ALK: variants seen among roughly 807,000 people sequenced by gnomAD.
ALK encodes ALK receptor tyrosine kinase.
Under a neutral mutation model 163.1 loss-of-function variants are expected in ALK, and 74 were observed. The observed-to-expected ratio is 0.45, with a 90% confidence interval of 0.38 to 0.55. The LOEUF is 0.55. ALK is among the 20% of genes least tolerant of loss of function. ALK has a pLI of 0.00. For missense variants in ALK, 2,063 were observed against 2,105.3 expected, an observed-to-expected ratio of 0.98 and a Z score of 0.39; for synonymous variants, 960 against 843.2, an observed-to-expected ratio of 1.14 and a Z score of -2.40.
At chr2:29,581,874 C>T (rs1356234529) in intron 3 of ALK, among the ~76,000 whole-genome samples, 1 of 152,174 alleles carries the variant, frequency 6.6e-6, no homozygotes, top group Non-Finnish European at 1.5e-5. Flanking sequence ...GTTTCCTTAC[C>T]TCTTAGGCAG....
At chr2:29,698,382 C>A (rs997782153) in intron 2 of ALK, among the ~76,000 whole-genome samples, 1 of 152,124 alleles carries the variant, frequency 6.6e-6, no homozygotes, top group African/African-American at 2.4e-5. Flanking sequence ...TAGGGAGGGT[C>A]AAAAAGACAC....
Position 29,214,089 on chromosome 2 carries a change from G to GA in ALK, c.3646-9dup. On this transcript the variant is annotated splice_polypyrimidine_tract_variant and intron_variant, in intron 23 of 28. Transcript: ENST00000389048. ...CAGGGAGGAGGGCTGGCTCTGTGGG[G>GA]AGACAGAAGCGGGCCACTGACGAGG... The GA allele has an allele frequency of 6.2e-7, 1 of 1,613,306 alleles. No individual in the cohort carries two copies. Among genetic ancestry groups the GA allele is most frequent in the Non-Finnish European group, 8.5e-7 (1 of 1,179,318 alleles).
Position 29,223,470 on chromosome 2 carries a change from C to T in ALK, c.3231G>A (p.Glu1077=), listed in dbSNP as rs2148171039. The change falls in exon 20 of 29, where the codon GAG becomes GAA. Residue 1077 remains glutamate (E), a synonymous_variant. Transcript: ENST00000389048. ...AGGTGCGGAGCTTGCTCAGCTTGTA[C>T]TCAGGGCTCTGCAGCTCCATCTGCA... ...QAMQMELQSP[E]YKLSKLRTST... The T allele has an allele frequency of 6.2e-7, 1 of 1,614,142 alleles. No homozygotes were observed. Among genetic ancestry groups the T allele is most frequent in the Non-Finnish European group, 8.5e-7 (1 of 1,180,036 alleles).
At chr2:29,549,056 G>C (rs551001970) in intron 3 of ALK, among the ~76,000 whole-genome samples, 342 of 151,182 alleles carry the variant, frequency 2.3e-3, no homozygotes, top group Non-Finnish European at 3.8e-3. Context: ...AGACCAGCAG[G>C]AGGAAGAAGC....
At chr2:29,465,081 A>G (rs181420040) in intron 4 of ALK, among the ~76,000 whole-genome samples, 14 of 152,340 alleles carry the variant, frequency 9.2e-5, no homozygotes, top group Non-Finnish European at 1.8e-4. Flanking sequence ...GATGCTTAAC[A>G]AACCCCAATC....
Position 29,193,445 on chromosome 2 carries a change from C to T in ALK, c.4642G>A (p.Gly1548Arg), listed in dbSNP as rs1215807713. ...SCTVPPNVAT[G>R]RLPGASLLLE... ...AGCAGTGAGGCCCCCGGAAGTCTCCCAGTTGCAACGTTAGGTGGGACAGTA... is the reference window on the plus strand; with the variant it reads ...AGCAGTGAGGCCCCCGGAAGTCTCCTAGTTGCAACGTTAGGTGGGACAGTA... The change falls in exon 29 of 29, where the codon GGG becomes AGG. Residue 1548 changes from glycine (G) to arginine (R), a missense_variant. By Grantham distance (125) the Gly-to-Arg change is moderately radical (BLOSUM62 -2). Coordinates refer to ENST00000389048, the MANE Select transcript of ALK (RefSeq NM_004304.5). The T allele has an allele frequency of 3.1e-6, 5 of 1,614,212 alleles. No individual in the cohort carries two copies. Among genetic ancestry groups the T allele is most frequent in the South Asian group, 1.1e-5 (1 of 91,080 alleles).
chr2:29,668,400 ACT>A (rs1051356782), intron 3 of ALK, among the ~76,000 whole-genome samples: 4 of 149,412 alleles, frequency 2.7e-5, no homozygotes, highest in African/African-American at 9.9e-5. Context: ...ATTGCTATAA[ACT>A]CCCTGTTAGC....
At chr2:29,251,461 C>T (rs905721617) in intron 11 of ALK, among the ~76,000 whole-genome samples, 194 bp from the exon 12 acceptor site, 2 of 152,370 alleles carry the variant, frequency 1.3e-5, no homozygotes, top group East Asian at 1.9e-4. Flanking sequence ...ATGTGCCAGA[C>T]CCTGAGTCAG....
intron 1 of ALK, among the ~76,000 whole-genome samples, chr2:29,816,386 T>C (rs1224233611): frequency 6.6e-6 from 1 of 152,166 alleles, no homozygotes; most frequent in Non-Finnish European, 1.5e-5. Context: ...CTTACATACA[T>C]ATATGAAAGT....
intron 3 of ALK, among the ~76,000 whole-genome samples, chr2:29,632,650 C>T (rs1573513909): frequency 6.6e-6 from 1 of 152,132 alleles, no homozygotes; most frequent in East Asian, 1.9e-4. Flanking sequence ...CGGAAACCCA[C>T]TGTATTAGTC....
chr2:29,499,924 T>A (rs945633065), intron 4 of ALK, among the ~76,000 whole-genome samples: 15 of 152,150 alleles, frequency 9.9e-5, no homozygotes, highest in African/African-American at 3.6e-4. Context: ...GTTGCTTTTC[T>A]TATTCATGGA....
chr2:29,433,043 G>C (rs1573349577), intron 4 of ALK, among the ~76,000 whole-genome samples: 1 of 152,120 alleles, frequency 6.6e-6, no homozygotes, highest in African/African-American at 2.4e-5. Flanking sequence ...TAACAAAAAA[G>C]TCCTCTTTAT....
rs181301566 is a variant in ALK, at chr2:29,296,754, C to T, written c.1817+134G>A. The stretch of plus-strand genomic sequence containing the variant: ...GTGTGTGTGTGTGCACGTGCGTGCA[C>T]GCGCACATATCGGTGTGTGGGCACA... On this transcript the variant is annotated intron_variant, in intron 9 of 28. Transcript: ENST00000389048. The T allele has an allele frequency of 3.3e-4, 334 of 1,005,734 alleles. No homozygotes were observed. In the African/African-American group the frequency reaches 3.9e-3, roughly 12 times the overall value. The allele number at this position is 1,005,734 out of a possible 1,614,324, so 62.3% of individuals were successfully genotyped here.
chr2:29,590,931 C>A (rs1195781911), intron 3 of ALK, among the ~76,000 whole-genome samples: 3 of 151,518 alleles, frequency 2.0e-5, no homozygotes, highest in East Asian at 1.9e-4. Flanking sequence ...ATTAGCCGGG[C>A]GTGTTGGCGG....
chr2:29,248,663 G>A (rs1393994903), intron 12 of ALK, among the ~76,000 whole-genome samples: 5 of 152,342 alleles, frequency 3.3e-5, no homozygotes, highest in Non-Finnish European at 7.3e-5. Flanking sequence ...TCAAAGAGAT[G>A]AGTGGAGACA....
intron 12 of ALK, among the ~76,000 whole-genome samples, chr2:29,244,616 C>T (rs573899008): frequency 6.6e-5 from 10 of 152,204 alleles, no homozygotes; most frequent in Admixed American, 2.6e-4. Flanking sequence ...TATAGCCCCT[C>T]GCTCTGCAGA....
intron 1 of ALK, among the ~76,000 whole-genome samples, chr2:29,798,928 A>G (rs1664393154): frequency 6.6e-6 from 1 of 152,214 alleles, no homozygotes; most frequent in Non-Finnish European, 1.5e-5. Context: ...CCTTGGCTCT[A>G]TTCCTCCTGT....
intron 3 of ALK, among the ~76,000 whole-genome samples, chr2:29,570,504 T>G (rs1488724364): frequency 6.6e-6 from 1 of 152,178 alleles, no homozygotes; most frequent in Non-Finnish European, 1.5e-5. Context: ...TCAGAGATTC[T>G]GGATTGTGAG....
intron 4 of ALK, among the ~76,000 whole-genome samples, chr2:29,526,275 T>C (rs1362025476): frequency 6.6e-6 from 1 of 152,232 alleles, no homozygotes; most frequent in Non-Finnish European, 1.5e-5. Flanking sequence ...GTAGAGATTC[T>C]GAGACTTGTC....
Sources: gnomAD v4.1 joint callset for allele counts (sites outside exome capture counted in the v4.1 genomes callset) on GRCh38, gnomAD v4.1.1 for gene constraint, MANE v1.5 for transcripts, NCBI Gene and HGNC (gene_info 2026-07-23, HGNC 2026-07-21) for gene names.